Variants in CELF4 observed in about 807,000 individuals in gnomAD.
The protein encoded by CELF4 is CUG-BP- and ETR-3-like factor 4.
CELF4 carries 18 observed loss-of-function variants against 59.9 expected under a neutral mutation model. The ratio of observed to expected loss-of-function variants is 0.30; its 90% CI spans 0.21 to 0.45. CELF4 has a LOEUF of 0.45. Among genes scored for constraint, CELF4 ranks in the 20% least tolerant of loss-of-function variants. The pLI, the probability that CELF4 is intolerant of heterozygous loss-of-function variation, is 1.00. For synonymous variants in CELF4, 261 were observed against 267.1 expected, an observed-to-expected ratio of 0.98 and a Z score of 0.22; for missense variants, 456 against 689.0, an observed-to-expected ratio of 0.66 and a Z score of 3.79.
intron 2 of CELF4, among the ~76,000 whole-genome samples, chr18:37,444,617 T>TACACACACACACAC (rs61248144): frequency 0.014 from 1,887 of 134,200 alleles, 26 homozygotes; most frequent in Middle Eastern, 0.025. Flanking sequence ...CTAGCATGCA[T>TACACACACACACAC]ACACACACAC....
chr18:37,434,897 C>G (rs2099685050), intron 2 of CELF4, among the ~76,000 whole-genome samples: 1 of 152,158 alleles, frequency 6.6e-6, no homozygotes, highest in Non-Finnish European at 1.5e-5. Context: ...CAGTTGAAGC[C>G]CTGAGCAGGG....
chr18:37,251,149 A>G (rs1275151852), intron 12 of CELF4, among the ~76,000 whole-genome samples: 1 of 152,108 alleles, frequency 6.6e-6, no homozygotes, highest in Admixed American at 6.5e-5. Flanking sequence ...TGAAATGGAA[A>G]TACTAACACT....
chr18:37,361,345 C>T (rs934862537), intron 2 of CELF4, among the ~76,000 whole-genome samples: 2 of 152,180 alleles, frequency 1.3e-5, no homozygotes, highest in African/African-American at 2.4e-5. Flanking sequence ...ACCAGCTAAC[C>T]GTAGCTCTCG....
At chr18:37,334,862 T>C (rs2097706556) in intron 2 of CELF4, among the ~76,000 whole-genome samples, 1 of 151,940 alleles carries the variant, frequency 6.6e-6, no homozygotes, top group Non-Finnish European at 1.5e-5. Flanking sequence ...CGAGAGGAAA[T>C]TGCTCTTAAT....
rs1569569538 is a variant in CELF4, at chr18:37,470,870, GTGTGTGTGTGTGT to G, written c.369+14642_369+14654del. On this transcript the variant is annotated intron_variant, in intron 2 of 12. Coordinates refer to ENST00000420428, the MANE Select transcript of CELF4 (RefSeq NM_020180.4). Reference sequence around the variant, plus strand: ...TGTGTGTGTGTGTGTGTGTGTGTGTGTGTGTGTGTGTGTGTGTGACAGAGAGAGAGAGAGAGAG... The same window carrying G: ...TGTGTGTGTGTGTGTGTGTGTGTGTGGTGTGACAGAGAGAGAGAGAGAGAG... Among the ~76,000 whole-genome samples the G allele has an allele frequency of 2.3e-3, 292 of 124,956 alleles. 1 individual carries two copies. The highest frequency in any genetic ancestry group is 8.0e-3 in the African/African-American group (258 of 32,288). The allele number at this position is 124,956 out of a possible 152,430, so 82.0% of individuals were successfully genotyped here.
At chr18:37,420,379 T>C (rs1390656097) in intron 2 of CELF4, among the ~76,000 whole-genome samples, 1 of 152,168 alleles carries the variant, frequency 6.6e-6, no homozygotes, top group Non-Finnish European at 1.5e-5. Context: ...ACAGTTCCGA[T>C]GAGGAGTGAA....
chr18:37,436,509 AG>A (rs34882777), intron 2 of CELF4, among the ~76,000 whole-genome samples: 1 of 152,184 alleles, frequency 6.6e-6, no homozygotes, highest in African/African-American at 2.4e-5. Flanking sequence ...GAAGCTGCAG[AG>A]GGGGGATCAA....
At chr18:37,273,661 C>T (rs1163908496) in intron 6 of CELF4, 13 of 987,618 alleles carry the variant, frequency 1.3e-5, no homozygotes, top group Non-Finnish European at 1.4e-5. Context: ...GGGGAGGCTG[C>T]GGAATGTGGC....
chr18:37,422,049 A>G (rs966237691), intron 2 of CELF4, among the ~76,000 whole-genome samples: 1 of 152,230 alleles, frequency 6.6e-6, no homozygotes, highest in Non-Finnish European at 1.5e-5. Flanking sequence ...CTCTTGCTGG[A>G]AGACACGGCG....
At chr18:37,408,345 C>T (rs1181520093) in intron 2 of CELF4, among the ~76,000 whole-genome samples, 1 of 152,106 alleles carries the variant, frequency 6.6e-6, no homozygotes, top group Admixed American at 6.5e-5. Flanking sequence ...CTTAGGAAGA[C>T]CCTGAACCAT....
At chr18:37,390,909 G>A (rs1368501454) in intron 2 of CELF4, among the ~76,000 whole-genome samples, 8 of 151,928 alleles carry the variant, frequency 5.3e-5, no homozygotes, top group Admixed American at 5.2e-4. Context: ...CCCTGACCCA[G>A]CCTGATCAAT....
chr18:37,320,412 A>G (rs1283252143), intron 3 of CELF4, among the ~76,000 whole-genome samples: 1 of 151,820 alleles, frequency 6.6e-6, no homozygotes, highest in Non-Finnish European at 1.5e-5. Context: ...CAATTTTTCT[A>G]AACCCTTTCC....
At chr18:37,491,714 G>A (rs934142241) in intron 1 of CELF4, among the ~76,000 whole-genome samples, 2 of 152,186 alleles carry the variant, frequency 1.3e-5, no homozygotes, top group African/African-American at 4.8e-5. Context: ...CGTGGGCAGC[G>A]GGAGGGTGCT....
Position 37,253,490 on chromosome 18 carries a change from C to G in CELF4, c.*44+277G>C, listed in dbSNP as rs2066857649. Among the ~76,000 whole-genome samples the G allele has an allele frequency of 6.6e-6, 1 of 152,210 alleles. No homozygotes were observed. Among genetic ancestry groups the G allele is most frequent in the Non-Finnish European group, 1.5e-5 (1 of 68,024 alleles). ...GGCCAACAGGACTGCCAATGTAGACCCGGAGGCGCAGGCCCAGGGCTCGCC... is the reference window on the plus strand; with the variant it reads ...GGCCAACAGGACTGCCAATGTAGACGCGGAGGCGCAGGCCCAGGGCTCGCC... On this transcript the variant is annotated intron_variant, in intron 12 of 12. Coordinates refer to ENST00000420428, the MANE Select transcript of CELF4 (RefSeq NM_020180.4). This position sits in a 1 kb window ranked among gnomAD's most constrained non-coding sequence, Gnocchi z 4.5.
intron 9 of CELF4, 123 bp from the exon 10 acceptor site, chr18:37,264,880 C>A: frequency 5.5e-6 from 4 of 725,974 alleles, no homozygotes; most frequent in South Asian, 3.4e-5. Context: ...TGCCACTCAG[C>A]CACTTAGGAC....
chr18:37,264,823 A>G (rs2076626996), intron 9 of CELF4, 66 bp from the exon 10 acceptor site: 1 of 1,343,084 alleles, frequency 7.4e-7, no homozygotes, highest in East Asian at 2.5e-5. Context: ...GAAGAAAGAG[A>G]GAGATTTCAG....
chr18:37,418,860 G>C (rs1176735423), intron 2 of CELF4, among the ~76,000 whole-genome samples: 1 of 152,198 alleles, frequency 6.6e-6, no homozygotes, highest in Non-Finnish European at 1.5e-5. Flanking sequence ...TCAGGGATGT[G>C]TGCATTCTCT....
intron 2 of CELF4, among the ~76,000 whole-genome samples, chr18:37,374,388 G>A (rs1390313421): frequency 2.0e-5 from 3 of 152,088 alleles, no homozygotes; most frequent in Non-Finnish European, 4.4e-5. Context: ...ATCCGGCTCC[G>A]AACTTCCACA....
At chr18:37,337,000 G>A (rs766028853) in intron 2 of CELF4, among the ~76,000 whole-genome samples, 21 of 152,270 alleles carry the variant, frequency 1.4e-4, no homozygotes, top group East Asian at 9.7e-4. Context: ...GGCCCTGGCC[G>A]CCTCCGGCTG....
Sources: allele counts gnomAD v4.1 joint callset (sites outside exome capture counted in the v4.1 genomes callset), GRCh38; gene constraint gnomAD v4.1.1; non-coding constraint Gnocchi (gnomAD v3.1); transcripts MANE v1.5; gene names NCBI Gene and HGNC (gene_info 2026-07-23, HGNC 2026-07-21).